Variants in IRF8 observed in about 807,000 individuals in gnomAD.
IRF8 encodes the protein interferon regulatory factor 8.
IRF8 carries 14 observed loss-of-function variants against 48.7 expected under a neutral mutation model. The ratio of observed to expected loss-of-function variants is 0.29; its 90% confidence interval spans 0.19 to 0.45. The LOEUF is 0.45. Among genes scored for constraint, IRF8 ranks in the 20% least tolerant of loss-of-function variants. The probability of loss-of-function intolerance (pLI) is 1.00; values close to 1 mark genes in which losing one functional copy is unlikely to be tolerated. For synonymous variants in IRF8, 278 were observed against 227.3 expected (o/e 1.22, Z -2.01); for missense variants, 493 against 580.7 (o/e 0.85, Z 1.55).
intron 5 of IRF8, chr16:85,914,085 C>T (rs1214362853): frequency 3.2e-6 from 1 of 309,706 alleles, no homozygotes; most frequent in Admixed American, 4.3e-5. Flanking sequence ...TGCAGGAACA[C>T]CATCCGGAAA....
chr16:85,921,390 G>A lies in IRF8; in HGVS notation c.*108G>A. 1 of 1,179,706 alleles carries A rather than the reference G, an allele frequency of 8.5e-7. No homozygotes were observed. Among genetic ancestry groups the A allele is most frequent in the Non-Finnish European group, 1.3e-6 (1 of 798,484 alleles). The allele number at this position is 1,179,706 out of a possible 1,614,324, so 73.1% of individuals were successfully genotyped here. Reference sequence around the variant, plus strand: ...TGGATCCCTCTGTCTGGGGTGGGATGCCTTACTTTGCACTTAATTTAATAA... The same window carrying A: ...TGGATCCCTCTGTCTGGGGTGGGATACCTTACTTTGCACTTAATTTAATAA... On this transcript the variant is annotated 3_prime_UTR_variant, in exon 9 of 9. Coordinates refer to ENST00000268638, the MANE Select transcript of IRF8 (RefSeq NM_002163.4).
In IRF8 at chr16:85,921,182, C is replaced by T; in HGVS notation, c.1181C>T (p.Pro394Leu). The change falls in exon 9 of 9, where the codon CCC becomes CTC. Residue 394 changes from proline (P) to leucine (L), a missense_variant. Coordinates refer to ENST00000268638, the MANE Select transcript of IRF8 (RefSeq NM_002163.4). ...GGAGCCGGCTCTGTGATGCAGGCCC[C>T]CGAGGAGCCGCCGCCAGACCAGGTC... Reference protein sequence around the residue: ...SCGAGSVMQAPEEPPPDQVFR... With the variant: ...SCGAGSVMQALEEPPPDQVFR... The T allele has an allele frequency of 6.2e-7, 1 of 1,614,200 alleles. No individual in the cohort carries two copies. Among genetic ancestry groups the T allele is most frequent in the Non-Finnish European group, 8.5e-7 (1 of 1,180,032 alleles).
chr16:85,911,680 G>C (rs377405686), intron 4 of IRF8, 22 bp downstream of exon 4: 1 of 1,603,874 alleles, frequency 6.2e-7, no homozygotes, highest in Non-Finnish European at 8.5e-7. Flanking sequence ...CAGCATTTCA[G>C]GGGTCTGGCC....
intron 2 of IRF8, among the ~76,000 whole-genome samples, chr16:85,908,462 T>A (rs1019114621): frequency 1.3e-5 from 2 of 152,130 alleles, no homozygotes; most frequent in African/African-American, 2.4e-5. Context: ...GGGGGAAAAG[T>A]CTAGAATAAA....
intron 6 of IRF8, among the ~76,000 whole-genome samples, chr16:85,917,860 C>G (rs758235920): frequency 6.6e-6 from 1 of 152,262 alleles, no homozygotes; most frequent in Non-Finnish European, 1.5e-5. Context: ...TTTTCAGACT[C>G]TTTCCTGAGA....
chr16:85,899,388 A>G (rs1281221630), intron 1 of IRF8, among the ~76,000 whole-genome samples, 165 bp downstream of exon 1: 1 of 152,290 alleles, frequency 6.6e-6, no homozygotes, highest in African/African-American at 2.4e-5. Context: ...TTTTCCAGCC[A>G]CCTAAGTCCA....
chr16:85,917,468 A>C (rs1220216901), intron 6 of IRF8, among the ~76,000 whole-genome samples: 2 of 152,210 alleles, frequency 1.3e-5, no homozygotes, highest in Non-Finnish European at 2.9e-5. Context: ...TCAAATCTTA[A>C]TCTTAAAATA....
At chr16:85,908,791 T>G (rs1244290427) in intron 2 of IRF8, among the ~76,000 whole-genome samples, 199 bp from the exon 3 acceptor site, 1 of 151,884 alleles carries the variant, frequency 6.6e-6, no homozygotes, top group Non-Finnish European at 1.5e-5. Context: ...CTGGCTTGGG[T>G]CTTTCCACAT....
chr16:85,920,712 G>A (rs1377032033), intron 8 of IRF8, among the ~76,000 whole-genome samples: 2 of 152,176 alleles, frequency 1.3e-5, no homozygotes, highest in African/African-American at 4.8e-5. Flanking sequence ...CCATCTTCTG[G>A]TGTCTGGGAC....
At position 85,918,929 on chromosome 16, in the gene IRF8, G is replaced by A. The variant is rs562182564; in HGVS notation, c.988+126G>A. ...GATGTGGAGGAGGAGTGAGGGGCAT[G>A]GTGTGGCAAGGAGGTGCTCCTTTGA... On this transcript the variant is annotated intron_variant, in intron 7 of 8. Transcript: ENST00000268638. 28 of 1,238,148 alleles carry A rather than the reference G, an allele frequency of 2.3e-5. No individual in the cohort carries two copies. In the African/African-American group the frequency reaches 3.1e-4, roughly 14 times the overall value. The allele number at this position is 1,238,148 out of a possible 1,614,324, so 76.7% of individuals were successfully genotyped here.
At chr16:85,899,324 A>G (rs909557558) in intron 1 of IRF8, 101 bp downstream of exon 1, 3 of 152,264 alleles carry the variant, frequency 2.0e-5, no homozygotes, top group Non-Finnish European at 2.9e-5. Context: ...ACCTACCGTA[A>G]TGTCCCCGGG....
chr16:85,914,072 T>G (rs1009805387), intron 5 of IRF8: 3 of 298,456 alleles, frequency 1.0e-5, no homozygotes, highest in African/African-American at 6.5e-5. Context: ...CCTCTGTCTG[T>G]GCTGCAGGAA....
chr16:85,907,098 G>C (rs1482547680), intron 2 of IRF8, among the ~76,000 whole-genome samples: 1 of 152,192 alleles, frequency 6.6e-6, no homozygotes, highest in Admixed American at 6.5e-5. Flanking sequence ...TGTGCTTTAA[G>C]AAATAGTTTT....
At chr16:85,916,003 T>C (rs1356253089) in intron 6 of IRF8, among the ~76,000 whole-genome samples, 1 of 151,484 alleles carries the variant, frequency 6.6e-6, no homozygotes, top group Non-Finnish European at 1.5e-5. Context: ...CCTTACAGGG[T>C]TAAATGTGCT....
chr16:85,913,135 C>T lies in IRF8; in HGVS notation c.452C>T (p.Ser151Phe). The stretch of plus-strand genomic sequence containing the variant: ...CTCCCTCCCCTGACTGTGCAGCCTT[C>T]TGTGGACGATTACATGGGGATGATC... ...SEIDELIKEP[S>F]VDDYMGMIKR... The change falls in exon 5 of 9, where the codon TCT (serine) becomes TTT (phenylalanine). Residue 151 changes from serine to phenylalanine, a missense_variant. This residue lies in a region of IRF8 where 408 missense variants were observed against 449.6 expected (regional missense o/e 0.91). Coordinates refer to ENST00000268638, the MANE Select transcript of IRF8 (RefSeq NM_002163.4). 1 of 1,613,738 alleles carries T rather than the reference C, an allele frequency of 6.2e-7. No individual in the cohort carries two copies. The highest frequency in any genetic ancestry group is 8.5e-7 in the Non-Finnish European group (1 of 1,179,640).
In IRF8 at chr16:85,912,949, C is replaced by T. The variant is rs1434515739; in HGVS notation, c.448-182C>T. Among the ~76,000 whole-genome samples, 2 of 152,360 alleles carry T rather than the reference C, an allele frequency of 1.3e-5. 1 individual carries two copies. On this transcript the variant is annotated intron_variant, in intron 4 of 8. Transcript: ENST00000268638. ...TTGGCCACATGGTTTGAATGCTAAG[C>T]CTGGTAGATTTAAGGCCTAGGGCCT...
chr16:85,919,181 C>A (rs1203992001), intron 7 of IRF8, among the ~76,000 whole-genome samples: 1 of 152,182 alleles, frequency 6.6e-6, no homozygotes, highest in African/African-American at 2.4e-5. Context: ...TCCGAACCTG[C>A]ATCTTAGCAA....
chr16:85,916,139 G>C (rs1905297690), intron 6 of IRF8, among the ~76,000 whole-genome samples: 1 of 152,192 alleles, frequency 6.6e-6, no homozygotes, highest in Non-Finnish European at 1.5e-5. Context: ...TTCTTTAACT[G>C]GTGCTTACCT....
chr16:85,919,247 G>C (rs1490417870), intron 7 of IRF8, among the ~76,000 whole-genome samples: 2 of 152,202 alleles, frequency 1.3e-5, no homozygotes, highest in Non-Finnish European at 2.9e-5. Context: ...CGCACACTAA[G>C]TGCTCAGGAT....
Sources: gnomAD v4.1 joint callset for allele counts (sites outside exome capture counted in the v4.1 genomes callset) on GRCh38, gnomAD v4.1.1 for gene constraint, gnomAD v4.1.1 regional missense constraint, MANE v1.5 for transcripts, NCBI Gene and HGNC (gene_info 2026-07-23, HGNC 2026-07-21) for gene names.